Variants in SEL1L3 observed in about 807,000 individuals in gnomAD.
The protein encoded by SEL1L3 is SEL1L family member 3.
A neutral mutation model predicts 142.8 loss-of-function variants in SEL1L3; 76 were observed. That is an observed-to-expected ratio of 0.53 (90% CI 0.44 to 0.64). SEL1L3 has a LOEUF of 0.64. Among genes scored for constraint, SEL1L3 ranks in the 30% least tolerant of loss-of-function variants. The pLI, the probability that SEL1L3 is intolerant of heterozygous loss-of-function variation, is 0.00. For missense variants in SEL1L3, 1,262 were observed against 1,381.7 expected (o/e 0.91, Z 1.37); for synonymous variants, 504 against 519.6 (o/e 0.97, Z 0.41).
At chr4:25,841,051 G>A (rs1279572601) in intron 2 of SEL1L3, among the ~76,000 whole-genome samples, 1 of 132,000 alleles carries the variant, frequency 7.6e-6, no homozygotes, top group Non-Finnish European at 1.6e-5. Flanking sequence ...CTCTTTTTTT[G>A]AGACAGAGTC....
At chr4:25,764,163 A>G (rs1718566817) in intron 20 of SEL1L3, among the ~76,000 whole-genome samples, 2 of 152,214 alleles carry the variant, frequency 1.3e-5, no homozygotes, top group Admixed American at 1.3e-4. Flanking sequence ...ACCCAAATCA[A>G]CAGACATTCT....
Position 25,833,240 on chromosome 4 carries a change from G to A in SEL1L3, c.983-130C>T, listed in dbSNP as rs1456723769. On this transcript the variant is annotated intron_variant, in intron 4 of 23. Transcript: ENST00000399878. ...CGAAAACAAAGCAAAACCCAAACAC[G>A]CATTTATAAATGCATTTCTTTGTAA... The A allele has an allele frequency of 2.1e-5, 15 of 711,762 alleles. 1 individual carries two copies. Among genetic ancestry groups the A allele is most frequent in the Non-Finnish European group, 2.8e-5 (12 of 424,312 alleles). The allele number at this position is 711,762 out of a possible 1,614,324, so 44.1% of individuals were successfully genotyped here.
chr4:25,777,906 A>G (rs1286175732), intron 16 of SEL1L3: 1 of 455,380 alleles, frequency 2.2e-6, no homozygotes, highest in African/African-American at 2.0e-5. Context: ...AAAGAGCAGG[A>G]TAGTAAATAT....
At chr4:25,802,859 T>A (rs998255140) in intron 10 of SEL1L3, among the ~76,000 whole-genome samples, 4 of 152,108 alleles carry the variant, frequency 2.6e-5, no homozygotes, top group African/African-American at 9.7e-5. Flanking sequence ...GGGATTTAAC[T>A]TGCCTTTTTA....
intron 20 of SEL1L3, among the ~76,000 whole-genome samples, chr4:25,762,775 G>A (rs1328406364): frequency 1.3e-5 from 2 of 151,922 alleles, no homozygotes; most frequent in African/African-American, 2.4e-5. Flanking sequence ...GTCAAGAGAT[G>A]AAGACCATCC....
At position 25,828,752 on chromosome 4, in the gene SEL1L3, T is replaced by C. The variant is rs1209025902; in HGVS notation, c.1157+1346A>G. On this transcript the variant is annotated intron_variant, in intron 6 of 23. Transcript: ENST00000399878. ...CCCTCTATTTCTGTGTCTGCCCCTCTTTGCTTCCCTTTCGTTAATAATCAG... is the reference window on the plus strand; with the variant it reads ...CCCTCTATTTCTGTGTCTGCCCCTCCTTGCTTCCCTTTCGTTAATAATCAG... 2.0e-5 allele frequency among the ~76,000 whole-genome samples: 3 copies of C among 152,108 alleles called. No homozygotes were observed. The East Asian group carries it at 5.8e-4, about 29-fold the overall frequency.
chr4:25,809,166 CA>C (rs1385506477), intron 9 of SEL1L3, among the ~76,000 whole-genome samples: 1 of 150,824 alleles, frequency 6.6e-6, no homozygotes, highest in African/African-American at 2.4e-5. Flanking sequence ...TTTATTGAGA[CA>C]GAATCTTGCT....
chr4:25,845,457 C>T (rs1280327730), intron 2 of SEL1L3, among the ~76,000 whole-genome samples: 1 of 152,174 alleles, frequency 6.6e-6, no homozygotes, highest in Admixed American at 6.5e-5. Context: ...GATCGTGCCA[C>T]TGCACTCCAG....
At position 25,862,929 on chromosome 4, in the gene SEL1L3, G is replaced by C; in HGVS notation, c.-93C>G. The C allele has an allele frequency of 3.3e-6, 3 of 916,756 alleles. No individual in the cohort carries two copies. The highest frequency in any genetic ancestry group is 3.9e-6 in the Non-Finnish European group (3 of 770,902). 56.8% of individuals were successfully genotyped at this position (916,756 alleles called of 1,614,324 possible). ...CCACCTTCCCGCCCGCCCCCGGCCG[G>C]GCCGGCCGCCGCGCGCGGGGCCACC... On this transcript the variant is annotated 5_prime_UTR_variant, in exon 1 of 24. Coordinates refer to ENST00000399878, the MANE Select transcript of SEL1L3 (RefSeq NM_015187.5).
At chr4:25,849,774 A>G (rs1716763782) in intron 1 of SEL1L3, among the ~76,000 whole-genome samples, 1 of 152,074 alleles carries the variant, frequency 6.6e-6, no homozygotes, top group Admixed American at 6.5e-5. Context: ...TTCAATTCTG[A>G]CTTAGAGCTG....
At chr4:25,724,625 C>T in the SEL1L3 span, among the ~76,000 whole-genome samples, 113,767 of 150,166 alleles carry the variant, frequency 0.76, 43,497 homozygotes, top group African/African-American at 0.85. Flanking sequence ...TGTAATCAGC[C>T]ACTCGGGAGG....
At chr4:25,796,273 A>T (rs1244217540) in intron 11 of SEL1L3, among the ~76,000 whole-genome samples, 1 of 151,990 alleles carries the variant, frequency 6.6e-6, no homozygotes, top group African/African-American at 2.4e-5. Context: ...TGCTCACAAC[A>T]TGTCCTGTCT....
chr4:25,804,569 C>T lies in SEL1L3; in HGVS notation c.1748G>A (p.Gly583Glu). Reference sequence around the variant, plus strand: ...CAGCTGATCCCGAGGAACATTTAATCCAGTCTCATAAAAGACTGCAAGGTA... The same window carrying T: ...CAGCTGATCCCGAGGAACATTTAATTCAGTCTCATAAAAGACTGCAAGGTA... ...SYYLAVFYET[G>E]LNVPRDQLQG... Residue 583 changes from glycine (G) to glutamate (E), a missense_variant, in exon 10 of 24, where the codon GGA becomes GAA. This residue lies in a region of SEL1L3 where 435 missense variants were observed against 559.2 expected (regional missense o/e 0.78). Coordinates refer to ENST00000399878, the MANE Select transcript of SEL1L3 (RefSeq NM_015187.5). The T allele has an allele frequency of 6.2e-7, 1 of 1,612,632 alleles. No individual in the cohort carries two copies. The highest frequency in any genetic ancestry group is 8.5e-7 in the Non-Finnish European group (1 of 1,179,096).
intron 16 of SEL1L3, among the ~76,000 whole-genome samples, chr4:25,778,770 TAAA>T (rs1719807344): frequency 6.6e-6 from 1 of 151,508 alleles, no homozygotes; most frequent in African/African-American, 2.4e-5. Context: ...TAGAGACAAA[TAAA>T]AAATAAATAA....
the SEL1L3 span, chr4:25,720,606 G>C: frequency 2.0e-4 from 31 of 152,210 alleles, no homozygotes; most frequent in African/African-American, 6.8e-4. Context: ...GAAAGCGGTG[G>C]TTGGATGTAA....
the SEL1L3 span, among the ~76,000 whole-genome samples, chr4:25,740,878 G>C: frequency 6.6e-6 from 1 of 151,828 alleles, no homozygotes; most frequent in African/African-American, 2.4e-5. Context: ...TCTGCCTCCT[G>C]GGTTCAAGGG....
chr4:25,769,540 T>C (rs1224292665), intron 17 of SEL1L3, among the ~76,000 whole-genome samples: 1 of 152,162 alleles, frequency 6.6e-6, no homozygotes, highest in Non-Finnish European at 1.5e-5. Context: ...GCAAAATCTA[T>C]GTTTGGCTAC....
At chr4:25,839,676 G>T (rs1427952223) in intron 2 of SEL1L3, among the ~76,000 whole-genome samples, 2 of 152,204 alleles carry the variant, frequency 1.3e-5, no homozygotes, top group Non-Finnish European at 2.9e-5. Context: ...TGTTGCTAAT[G>T]AATTTACTTC....
In SEL1L3 at chr4:25,820,009, G is replaced by A. The variant is rs187420194; in HGVS notation, c.1291-69C>T. The stretch of plus-strand genomic sequence containing the variant: ...AATATCCATCCACCTCTAGGAGGAT[G>A]TGTTTGGGTTGACTTTGTTCTCCCA... On this transcript the variant is annotated intron_variant, in intron 7 of 23. Coordinates refer to ENST00000399878, the MANE Select transcript of SEL1L3 (RefSeq NM_015187.5). 73 of 1,488,600 alleles carry A rather than the reference G, an allele frequency of 4.9e-5. 1 individual carries two copies. In the African/African-American group the frequency reaches 5.6e-4, roughly 11 times the overall value. 92.2% of individuals were successfully genotyped at this position (1,488,600 alleles called of 1,614,324 possible).
Sources: gnomAD v4.1 joint callset for allele counts (sites outside exome capture counted in the v4.1 genomes callset) on GRCh38, gnomAD v4.1.1 for gene constraint, gnomAD v4.1.1 regional missense constraint, MANE v1.5 for transcripts, NCBI Gene and HGNC (gene_info 2026-07-23, HGNC 2026-07-21) for gene names.